Variants in FBXL5 observed in about 807,000 individuals in gnomAD.
FBXL5 encodes F-box and leucine rich repeat protein 5.
FBXL5 carries 26 observed loss-of-function variants against 78.3 expected under a neutral mutation model. The ratio of observed to expected loss-of-function variants is 0.33; its 90% CI spans 0.24 to 0.46. FBXL5 has a LOEUF of 0.46. Among genes scored for constraint, FBXL5 ranks in the 20% least tolerant of loss-of-function variants. The pLI, the probability that FBXL5 is intolerant of heterozygous loss-of-function variation, is 1.00. For missense variants in FBXL5, 710 were observed against 829.2 expected, an observed-to-expected ratio of 0.86 and a Z score of 1.77; for synonymous variants, 295 against 282.5, an observed-to-expected ratio of 1.04 and a Z score of -0.45.
At chr4:15,663,795 G>A (rs1000781231), upstream of FBXL5, among the ~76,000 whole-genome samples, 1 of 152,160 alleles carries the variant, frequency 6.6e-6, no homozygotes, top group Non-Finnish European at 1.5e-5. Flanking sequence ...AAGTCCAAAA[G>A]TGAACTCACC....
chr4:15,636,220 T>C (rs980843613), intron 5 of FBXL5, among the ~76,000 whole-genome samples: 2 of 152,156 alleles, frequency 1.3e-5, no homozygotes, highest in African/African-American at 2.4e-5. Context: ...CTATCACTTA[T>C]CTTCAATAAT....
chr4:15,668,911 C>T (rs1332083853), intron 1 of FBXL5, among the ~76,000 whole-genome samples: 1 of 152,152 alleles, frequency 6.6e-6, no homozygotes, highest in African/African-American at 2.4e-5. Context: ...AGTGACAACA[C>T]AGTAGCTCAT....
intron 10 of FBXL5, among the ~76,000 whole-genome samples, chr4:15,609,428 T>C (rs931811083): frequency 1.3e-5 from 2 of 152,078 alleles, no homozygotes; most frequent in Admixed American, 6.6e-5. Context: ...TCTAAGTATA[T>C]TACTTATGCT....
upstream of FBXL5, among the ~76,000 whole-genome samples, chr4:15,664,063 A>G (rs1305205661): frequency 6.6e-6 from 1 of 152,226 alleles, no homozygotes; most frequent in Non-Finnish European, 1.5e-5. Context: ...AAGAAATAGC[A>G]GAGCCAAGAT....
intron 1 of FBXL5, among the ~76,000 whole-genome samples, chr4:15,673,563 C>T (rs1450829687): frequency 1.3e-5 from 2 of 152,194 alleles, no homozygotes; most frequent in Admixed American, 1.3e-4. Flanking sequence ...AATTTTCCAG[C>T]TCCATTATAA....
At chr4:15,628,597 C>T (rs547897755) in intron 6 of FBXL5, among the ~76,000 whole-genome samples, 1 of 152,078 alleles carries the variant, frequency 6.6e-6, no homozygotes, top group African/African-American at 2.4e-5. Context: ...ATTATTCTTA[C>T]CTAAAGACCA....
chr4:15,616,061 G>A (rs950961010), intron 9 of FBXL5, among the ~76,000 whole-genome samples: 5 of 151,430 alleles, frequency 3.3e-5, no homozygotes, highest in Non-Finnish European at 5.9e-5. Flanking sequence ...CTCCAGACGC[G>A]CTGCCTTAAG....
At position 15,625,441 on chromosome 4, in the gene FBXL5, C is replaced by T; in HGVS notation, c.1661G>A (p.Gly554Glu). 2 of 1,614,040 alleles carry T rather than the reference C, an allele frequency of 1.2e-6. No individual in the cohort carries two copies. The highest frequency in any genetic ancestry group is 2.2e-5 in the South Asian group (2 of 91,054). The change falls in exon 9 of 11, where the codon GGA becomes GAA. Residue 554 changes from glycine (G) to glutamate (E), a missense_variant. Physicochemically the swap from Gly to Glu is moderately conservative, Grantham distance 98. This residue lies in a region of FBXL5 where 517 missense variants were observed against 542.9 expected (regional missense o/e 0.95). Coordinates refer to ENST00000341285, the MANE Select transcript of FBXL5 (RefSeq NM_012161.4). The part of the protein sequence containing the change: ...AYCGHSFCCT[G>E]TALRTMSSLP... ...TGATGACATAGTTCTTAAAGCTGTTCCTGTACAACAAAATGAGTGACCACA... is the reference window on the plus strand; with the variant it reads ...TGATGACATAGTTCTTAAAGCTGTTTCTGTACAACAAAATGAGTGACCACA...
intron 1 of FBXL5, among the ~76,000 whole-genome samples, chr4:15,646,222 C>T (rs1715332566): frequency 1.3e-5 from 2 of 152,110 alleles, no homozygotes; most frequent in African/African-American, 2.4e-5. Flanking sequence ...CACTGAAATT[C>T]AAATTTCATA....
At chr4:15,627,060 A>AC in intron 7 of FBXL5, 105 bp from the exon 8 acceptor site, 1 of 554,206 alleles carries the variant, frequency 1.8e-6, no homozygotes, top group Non-Finnish European at 3.1e-6. Context: ...TTTTGTGAAT[A>AC]TAAAAAAAAA....
chr4:15,645,702 C>T (rs1048560778), intron 1 of FBXL5, among the ~76,000 whole-genome samples: 2 of 152,182 alleles, frequency 1.3e-5, no homozygotes, highest in Admixed American at 6.5e-5. Flanking sequence ...GCTGGGATTA[C>T]AGGTATAAGC....
chr4:15,666,492 T>C (rs1259003844), intron 1 of FBXL5, among the ~76,000 whole-genome samples: 1 of 152,144 alleles, frequency 6.6e-6, no homozygotes, highest in Non-Finnish European at 1.5e-5. Flanking sequence ...GGATGATGGT[T>C]ACCAGAGGCT....
intron 1 of FBXL5, among the ~76,000 whole-genome samples, chr4:15,679,121 G>A (rs1198431711): frequency 5.4e-5 from 8 of 149,068 alleles, no homozygotes; most frequent in African/African-American, 1.5e-4. Flanking sequence ...GGAGTGCAGC[G>A]GCGTGATCTC....
chr4:15,655,423 G>C (rs1487153424), upstream of FBXL5: 4 of 996,036 alleles, frequency 4.0e-6, no homozygotes, highest in Non-Finnish European at 4.8e-6. Context: ...CGGCTTGGCC[G>C]GCGGGGACGC....
At chr4:15,620,731 C>G (rs993849128) in intron 9 of FBXL5, among the ~76,000 whole-genome samples, 5 of 152,208 alleles carry the variant, frequency 3.3e-5, no homozygotes, top group Admixed American at 6.5e-5. Flanking sequence ...ATGGCCATAA[C>G]GCCCAAGCTG....
chr4:15,629,848 ATTACT>A (rs1713439694), intron 6 of FBXL5, among the ~76,000 whole-genome samples: 1 of 152,132 alleles, frequency 6.6e-6, no homozygotes, highest in South Asian at 2.1e-4. Flanking sequence ...GCCAGACCAA[ATTACT>A]TTAAGCAAGT....
At chr4:15,659,598 C>T (rs1248204412), upstream of FBXL5, 2 of 261,974 alleles carry the variant, frequency 7.6e-6, no homozygotes, top group South Asian at 2.8e-4. Flanking sequence ...TTAGATAATA[C>T]TAAAATCATA....
intron 10 of FBXL5, among the ~76,000 whole-genome samples, chr4:15,606,698 T>G (rs578145462): frequency 1.4e-4 from 22 of 152,144 alleles, no homozygotes; most frequent in Admixed American, 3.3e-4. Context: ...TCTTTACATA[T>G]CAACAAGAAC....
chr4:15,620,888 A>G (rs1370804732), intron 9 of FBXL5, among the ~76,000 whole-genome samples: 1 of 152,208 alleles, frequency 6.6e-6, no homozygotes, highest in African/African-American at 2.4e-5. Flanking sequence ...AACTAGCCCA[A>G]TCTATTTCTT....
Sources: allele counts gnomAD v4.1 joint callset (sites outside exome capture counted in the v4.1 genomes callset), GRCh38; gene constraint gnomAD v4.1.1; regional missense constraint gnomAD v4.1.1; transcripts MANE v1.5; gene names NCBI Gene and HGNC (gene_info 2026-07-23, HGNC 2026-07-21).